Variants in TBX15 observed in about 807,000 individuals in gnomAD.
TBX15 encodes the protein T-box transcription factor 15, also known as T-box transcription factor TBX15.
In TBX15, 18 loss-of-function variants were observed where a neutral mutation model predicts 53.9. That is an observed-to-expected ratio of 0.33 (90% CI 0.23 to 0.49). The LOEUF is 0.49. Among genes scored for constraint, TBX15 ranks in the 20% least tolerant of loss-of-function variants. TBX15 has a pLI of 0.98. For synonymous variants in TBX15, 295 were observed against 278.0 expected, an observed-to-expected ratio of 1.06 and a Z score of -0.61; for missense variants, 692 against 749.5, an observed-to-expected ratio of 0.92 and a Z score of 0.90.
chr1:118,925,190 A>G lies in TBX15; in HGVS notation c.522-373T>C, dbSNP rs530838279. On this transcript the variant is annotated intron_variant, in intron 3 of 7. Coordinates refer to ENST00000369429, the MANE Select transcript of TBX15 (RefSeq NM_001330677.2). ...TCACATGTCTAGCTATAGAAAAGGC[A>G]TTTTACTGCAACCTTTCACCTTTCA... Among the ~76,000 whole-genome samples, 8 of 152,334 alleles carry G rather than the reference A, an allele frequency of 5.3e-5. No homozygotes were observed. In the East Asian group the frequency reaches 1.4e-3, roughly 26 times the overall value.
chr1:118,920,444 CT>C (rs1655389712), intron 5 of TBX15, among the ~76,000 whole-genome samples: 1 of 152,146 alleles, frequency 6.6e-6, no homozygotes, highest in African/African-American at 2.4e-5. Context: ...GGCAAGGATG[CT>C]GCAAAGTTCA....
At chr1:118,913,692 A>G (rs1311424928) in intron 6 of TBX15, among the ~76,000 whole-genome samples, 2 of 152,088 alleles carry the variant, frequency 1.3e-5, no homozygotes, top group Non-Finnish European at 2.9e-5. Flanking sequence ...TTTTTTTCAC[A>G]CTGTTTTAGC....
chr1:118,903,103 AT>A (rs1330544229), intron 6 of TBX15, among the ~76,000 whole-genome samples: 1 of 152,012 alleles, frequency 6.6e-6, no homozygotes, highest in Non-Finnish European at 1.5e-5. Flanking sequence ...TGTTAGCTCC[AT>A]TGACAACATA....
Position 118,923,397 on chromosome 1 carries a change from A to C in TBX15, c.861+39T>G, listed in dbSNP as rs755662027. The C allele has an allele frequency of 7.4e-6, 12 of 1,613,088 alleles. No individual in the cohort carries two copies. The East Asian group carries it at 2.7e-4, about 36-fold the overall frequency. On this transcript the variant is annotated intron_variant, in intron 5 of 7. Coordinates refer to ENST00000369429, the MANE Select transcript of TBX15 (RefSeq NM_001330677.2). ...GGAATCTTATGCAGAAGGACCAAAAAACAGATGTAGCAGAAGACTCTCAAG... is the reference window on the plus strand; with the variant it reads ...GGAATCTTATGCAGAAGGACCAAAACACAGATGTAGCAGAAGACTCTCAAG...
At chr1:118,970,690 G>A (rs1050582890) in intron 1 of TBX15, among the ~76,000 whole-genome samples, 11 of 152,132 alleles carry the variant, frequency 7.2e-5, no homozygotes, top group African/African-American at 1.2e-4. Context: ...GGATCTCTGC[G>A]GCTGACTCTT....
At chr1:118,905,960 C>T (rs542052739) in intron 6 of TBX15, among the ~76,000 whole-genome samples, 9 of 152,210 alleles carry the variant, frequency 5.9e-5, no homozygotes, top group African/African-American at 2.2e-4. Context: ...GAGAGTGAAA[C>T]CATTCTCTGT....
At chr1:118,966,452 C>A (rs1052232251) in intron 1 of TBX15, among the ~76,000 whole-genome samples, 3 of 152,150 alleles carry the variant, frequency 2.0e-5, no homozygotes, top group African/African-American at 7.2e-5. Context: ...GCCTCTAGGC[C>A]TGGCCCTCAA....
chr1:118,950,692 A>G (rs1487048609), intron 1 of TBX15, among the ~76,000 whole-genome samples: 1 of 152,194 alleles, frequency 6.6e-6, no homozygotes, highest in African/African-American at 2.4e-5. Context: ...TGATATTCAT[A>G]CCTTGTCAAG....
intron 1 of TBX15, among the ~76,000 whole-genome samples, chr1:118,974,357 A>AT (rs1178384260): frequency 2.0e-5 from 3 of 152,110 alleles, no homozygotes; most frequent in African/African-American, 4.8e-5. Flanking sequence ...TCTGAAAGCC[A>AT]TTTTTTTAAT....
intron 1 of TBX15, among the ~76,000 whole-genome samples, chr1:118,946,753 C>T (rs1031156355): frequency 2.0e-5 from 3 of 152,090 alleles, no homozygotes; most frequent in African/African-American, 7.2e-5. Flanking sequence ...TTTATTTTAA[C>T]CACACATACA....
intron 1 of TBX15, among the ~76,000 whole-genome samples, chr1:118,961,437 C>T (rs1348118493): frequency 6.6e-6 from 1 of 152,134 alleles, no homozygotes; most frequent in Admixed American, 6.5e-5. Flanking sequence ...AATCAGGCAG[C>T]CATCTTCCTT....
At chr1:118,891,198 A>G (rs1392861233) in intron 7 of TBX15, among the ~76,000 whole-genome samples, 1 of 152,190 alleles carries the variant, frequency 6.6e-6, no homozygotes, top group East Asian at 1.9e-4. Flanking sequence ...TAAAAGTTAA[A>G]GGTATGCACA....
intron 6 of TBX15, among the ~76,000 whole-genome samples, chr1:118,913,233 A>T (rs759288835): frequency 6.3e-5 from 4 of 63,076 alleles, no homozygotes; most frequent in Admixed American, 5.2e-4. Flanking sequence ...CTCAAACTAT[A>T]AAAAAAAAAA....
rs776131865 is a variant in TBX15, at chr1:118,884,690, G to A, written c.*42C>T. 1 of 1,613,256 alleles carries A rather than the reference G, an allele frequency of 6.2e-7. No homozygotes were observed. Among genetic ancestry groups the A allele is most frequent in the Admixed American group, 1.7e-5 (1 of 60,004 alleles). ...GGAGGATCTGACCACGGAGACTCTG[G>A]GGCCTTGATTGCCAAATGCTCCGTG... On this transcript the variant is annotated 3_prime_UTR_variant, in exon 8 of 8. Coordinates refer to ENST00000369429, the MANE Select transcript of TBX15 (RefSeq NM_001330677.2).
chr1:118,969,234 C>T (rs1359111377), intron 1 of TBX15, among the ~76,000 whole-genome samples: 1 of 152,116 alleles, frequency 6.6e-6, no homozygotes, highest in Admixed American at 6.5e-5. Context: ...CTGAATAGGA[C>T]CCATTTCACT....
At chr1:118,920,268 C>A (rs1039463992) in intron 5 of TBX15, among the ~76,000 whole-genome samples, 1 of 152,124 alleles carries the variant, frequency 6.6e-6, no homozygotes, top group Admixed American at 6.6e-5. Context: ...CGAGAGAGTG[C>A]AGTCCCCTAA....
intron 7 of TBX15, among the ~76,000 whole-genome samples, chr1:118,896,608 G>A (rs531844648): frequency 6.6e-6 from 1 of 152,252 alleles, no homozygotes; most frequent in South Asian, 2.1e-4. Context: ...CCAATCTTAG[G>A]TTTGGTGCAA....
At chr1:118,971,541 G>A (rs931741229) in intron 1 of TBX15, among the ~76,000 whole-genome samples, 1 of 152,056 alleles carries the variant, frequency 6.6e-6, no homozygotes, top group African/African-American at 2.4e-5. Flanking sequence ...GTCTAGTTGG[G>A]GCTTGTAAAA....
At chr1:118,962,147 G>A (rs555343561) in intron 1 of TBX15, among the ~76,000 whole-genome samples, 43 of 152,236 alleles carry the variant, frequency 2.8e-4, no homozygotes, top group African/African-American at 9.6e-4. Flanking sequence ...TACACAAAAG[G>A]CACATTCATT....
Sources: allele counts gnomAD v4.1 joint callset (sites outside exome capture counted in the v4.1 genomes callset), GRCh38; gene constraint gnomAD v4.1.1; transcripts MANE v1.5; gene names NCBI Gene and HGNC (gene_info 2026-07-23, HGNC 2026-07-21).